The following XKR6 variants were observed in gnomAD, a reference collection of about 807,000 sequenced individuals.
XKR6 encodes XK-related protein 6.
XKR6 carries 22 observed loss-of-function variants against 56.7 expected under a neutral mutation model. That is an observed-to-expected ratio of 0.39 (90% CI 0.28 to 0.55). The LOEUF (loss-of-function observed/expected upper bound fraction) is 0.55, where lower values mean the gene tolerates loss of function less well. Among genes scored for constraint, XKR6 ranks in the 20% least tolerant of loss-of-function variants. The pLI is 0.66. For synonymous variants in XKR6, 524 were observed against 387.8 expected (o/e 1.35, Z -4.13); for missense variants, 852 against 889.0 (o/e 0.96, Z 0.53).
intron 2 of XKR6, among the ~76,000 whole-genome samples, chr8:10,900,179 C>G (rs1342043910): frequency 6.6e-6 from 1 of 152,158 alleles, no homozygotes; most frequent in Non-Finnish European, 1.5e-5. Flanking sequence ...ACAATTCCCC[C>G]CACGACATTC....
At chr8:11,181,787 C>A (rs1047893822) in intron 1 of XKR6, among the ~76,000 whole-genome samples, 1 of 152,172 alleles carries the variant, frequency 6.6e-6, no homozygotes, top group African/African-American at 2.4e-5. Context: ...TGAGACTTGG[C>A]ATGTATTAAT....
chr8:10,953,660 G>C (rs928568912), intron 1 of XKR6, among the ~76,000 whole-genome samples: 1 of 152,166 alleles, frequency 6.6e-6, no homozygotes, highest in Non-Finnish European at 1.5e-5. Context: ...AGTGTGGGAA[G>C]AATCTAGATA....
intron 1 of XKR6, among the ~76,000 whole-genome samples, chr8:11,075,744 G>A (rs1361757635): frequency 6.6e-6 from 1 of 152,198 alleles, no homozygotes; most frequent in East Asian, 1.9e-4. Context: ...GTGGTGGTGA[G>A]CACCTGTAGT....
At chr8:10,932,723 A>G (rs1299329618) in intron 1 of XKR6, among the ~76,000 whole-genome samples, 28 of 128,722 alleles carry the variant, frequency 2.2e-4, no homozygotes, top group Admixed American at 1.3e-3. Flanking sequence ...ATGATTTCCA[A>G]TTTCATCCAT....
chr8:11,025,797 T>C (rs1222876965), intron 1 of XKR6, among the ~76,000 whole-genome samples: 1 of 151,898 alleles, frequency 6.6e-6, no homozygotes, highest in Non-Finnish European at 1.5e-5. Context: ...TTAGCCCTGC[T>C]TGTGGAGGGA....
At position 11,200,191 on chromosome 8, in the gene XKR6, G is replaced by T. The variant is rs982460470; in HGVS notation, c.764+385C>A. On this transcript the variant is annotated intron_variant, in intron 1 of 2. Coordinates refer to ENST00000416569, the MANE Select transcript of XKR6 (RefSeq NM_173683.4). The surrounding 1 kb of genome is among the most constrained non-coding windows in gnomAD (Gnocchi z 6.4). ...GGAACAAACCCGAATGCAGCGGCTG[G>T]AGGAGGGAAGGCTCCCCGGGGCCGC... Among the ~76,000 whole-genome samples the T allele has an allele frequency of 3.3e-5, 5 of 152,228 alleles. No homozygotes were observed. The highest frequency in any genetic ancestry group is 2.0e-4 in the Admixed American group (3 of 15,290).
At chr8:11,004,078 T>A (rs1187596447) in intron 1 of XKR6, among the ~76,000 whole-genome samples, 1 of 152,118 alleles carries the variant, frequency 6.6e-6, no homozygotes, top group African/African-American at 2.4e-5. Context: ...GAGGACCTTG[T>A]CCACTGAGCC....
At position 10,929,168 on chromosome 8, in the gene XKR6, A is replaced by C. The variant is rs1800988065; in HGVS notation, c.765-4338T>G. Among the ~76,000 whole-genome samples the C allele has an allele frequency of 1.3e-5, 2 of 152,218 alleles. 1 individual carries two copies. The highest frequency in any genetic ancestry group is 4.1e-4 in the South Asian group (2 of 4,832). Reference sequence around the variant, plus strand: ...CAGGTGAGTGACCTCACAGAGCACAAAGGATGGCCTAGCATCTTTATAAAC... The same window carrying C: ...CAGGTGAGTGACCTCACAGAGCACACAGGATGGCCTAGCATCTTTATAAAC... On this transcript the variant is annotated intron_variant, in intron 1 of 2. Transcript: ENST00000416569.
At chr8:10,947,307 GT>G (rs1668625606) in intron 1 of XKR6, among the ~76,000 whole-genome samples, 1 of 152,192 alleles carries the variant, frequency 6.6e-6, no homozygotes, top group Admixed American at 6.5e-5. Flanking sequence ...GAGAGCAAAG[GT>G]TTGGGAGTGA....
intron 1 of XKR6, among the ~76,000 whole-genome samples, chr8:10,952,451 G>GT (rs1274255598): frequency 6.6e-6 from 1 of 152,134 alleles, no homozygotes. Context: ...TATTATATTT[G>GT]TTTTTTCTTT....
intron 1 of XKR6, among the ~76,000 whole-genome samples, chr8:11,196,555 T>C (rs1420953346): frequency 6.6e-6 from 1 of 152,256 alleles, no homozygotes; most frequent in African/African-American, 2.4e-5. Context: ...CATTTTGTTA[T>C]GGTATTATCC....
At chr8:10,912,687 GTATATA>G (rs780977459) in intron 2 of XKR6, among the ~76,000 whole-genome samples, 2 of 132,762 alleles carry the variant, frequency 1.5e-5, no homozygotes, top group Admixed American at 7.7e-5. Flanking sequence ...GAGGGTGAGT[GTATATA>G]TATATATATA....
intron 1 of XKR6, among the ~76,000 whole-genome samples, chr8:11,005,361 G>GAT (rs1050511719): frequency 4.7e-4 from 70 of 148,886 alleles, no homozygotes; most frequent in African/African-American, 1.7e-3. Context: ...GACTGTAGTA[G>GAT]ATATAGATAT....
chr8:10,938,361 C>T (rs1287793581), intron 1 of XKR6, among the ~76,000 whole-genome samples: 2 of 152,240 alleles, frequency 1.3e-5, no homozygotes, highest in African/African-American at 4.8e-5. Context: ...CCCCCGTCTT[C>T]TGCATCGCTC....
chr8:11,017,681 G>C (rs866972454), intron 1 of XKR6, among the ~76,000 whole-genome samples: 1 of 152,214 alleles, frequency 6.6e-6, no homozygotes, highest in African/African-American at 2.4e-5. Context: ...GGAGAGGGCA[G>C]GGAGGGGTGC....
chr8:11,173,007 C>T (rs186293774), intron 1 of XKR6, among the ~76,000 whole-genome samples: 1 of 152,022 alleles, frequency 6.6e-6, no homozygotes, highest in Non-Finnish European at 1.5e-5. Context: ...TTCCATTTAC[C>T]TGATTTGGGG....
intron 1 of XKR6, among the ~76,000 whole-genome samples, chr8:11,048,183 G>A (rs1001943449): frequency 9.9e-5 from 15 of 152,144 alleles, no homozygotes; most frequent in African/African-American, 2.9e-4. Context: ...GAAGCCTAGC[G>A]CCTAGACACT....
At chr8:11,147,676 A>G (rs1012426445) in intron 1 of XKR6, among the ~76,000 whole-genome samples, 5 of 150,038 alleles carry the variant, frequency 3.3e-5, no homozygotes. Context: ...AAAAAGCTAT[A>G]TGGATGGCAA....
At chr8:10,912,479 A>AGC (rs1563284669) in intron 2 of XKR6, among the ~76,000 whole-genome samples, 22 of 145,176 alleles carry the variant, frequency 1.5e-4, no homozygotes, top group African/African-American at 5.3e-4. Context: ...AGAGAGAGAG[A>AGC]GAGAGAGAGA....
Sources: allele counts gnomAD v4.1 joint callset (sites outside exome capture counted in the v4.1 genomes callset), GRCh38; gene constraint gnomAD v4.1.1; non-coding constraint Gnocchi (gnomAD v3.1); transcripts MANE v1.5; gene names NCBI Gene and HGNC (gene_info 2026-07-23, HGNC 2026-07-21).